Variants in MORN1 observed in about 807,000 individuals in gnomAD.
MORN1 encodes MORN repeat-containing protein 1.
Under a neutral mutation model 61.9 loss-of-function variants are expected in MORN1, and 67 were observed. That is an observed-to-expected ratio of 1.08 (90% CI 0.89 to 1.33). MORN1 has a LOEUF of 1.33. Ranked by LOEUF, MORN1 falls within the 40% of genes most tolerant of loss-of-function variation. The probability of loss-of-function intolerance (pLI) is 0.00; values close to 1 mark genes in which losing one functional copy is unlikely to be tolerated. For missense variants in MORN1, 752 were observed against 691.2 expected (o/e 1.09, Z -0.99); for synonymous variants, 301 against 292.0 (o/e 1.03, Z -0.31).
intron 10 of MORN1, among the ~76,000 whole-genome samples, chr1:2,356,071 C>T (rs937332842): frequency 2.6e-5 from 4 of 152,132 alleles, no homozygotes; most frequent in Non-Finnish European, 4.4e-5. Context: ...GCAGCCAGGT[C>T]GGGGGATTGT....
intron 12 of MORN1, among the ~76,000 whole-genome samples, chr1:2,330,462 C>T (rs907112793): frequency 3.3e-5 from 5 of 152,106 alleles, no homozygotes. Context: ...TTGTCCCCAC[C>T]GGTGGCCTTT....
At chr1:2,369,197 C>CA (rs1374251410) in intron 8 of MORN1, among the ~76,000 whole-genome samples, 1 of 150,028 alleles carries the variant, frequency 6.7e-6, no homozygotes, top group African/African-American at 2.5e-5. Context: ...TAAAAAAATA[C>CA]AAAAAAATTA....
chr1:2,390,068 G>A, intron 1 of MORN1, 72 bp from the exon 2 acceptor site: 1 of 1,422,042 alleles, frequency 7.0e-7, no homozygotes, highest in Non-Finnish European at 9.9e-7. Flanking sequence ...TGCTGAAGGA[G>A]GGAGTGCAGC....
Position 2,321,458 on chromosome 1 carries a change from C to G in MORN1, c.1419G>C (p.Leu473=), listed in dbSNP as rs773362203. ...AKRAGQPPHV[L]EEGPEASSSW... is the part of the protein sequence containing the mutation. ...TGCTTGAGGCTTCAGGGCCTTCTTCCAGGACATGGGGTGGCTGGCCAGCCC... is the reference window on the plus strand; with the variant it reads ...TGCTTGAGGCTTCAGGGCCTTCTTCGAGGACATGGGGTGGCTGGCCAGCCC... Residue 473 remains leucine (L), a synonymous_variant, in exon 14 of 14, where the codon CTG becomes CTC. Transcript: ENST00000378531. 6.5e-7 allele frequency: 1 copy of G among 1,540,252 alleles called. No individual in the cohort carries two copies. Among genetic ancestry groups the G allele is most frequent in the South Asian group, 1.2e-5 (1 of 83,232 alleles).
At chr1:2,331,802 C>T (rs1249460325) in intron 12 of MORN1, among the ~76,000 whole-genome samples, 6 of 152,178 alleles carry the variant, frequency 3.9e-5, no homozygotes, top group South Asian at 2.1e-4. Context: ...GCTCCTCTCC[C>T]GCGGCTGCGC....
chr1:2,385,210 G>T, intron 5 of MORN1, 145 bp from the exon 6 acceptor site: 1 of 793,854 alleles, frequency 1.3e-6, no homozygotes, highest in Non-Finnish European at 2.0e-6. Context: ...AAGAGCTCCT[G>T]CCTCGCCAGG....
In MORN1 at chr1:2,363,809, A is replaced by C. The variant is rs74802219; in HGVS notation, c.746-5094T>G. ...AAAAACAAACAAACAAACAAACAAA[A>C]AAATATATATATATATAAAAAAAAT... On this transcript the variant is annotated intron_variant, in intron 8 of 13. Coordinates refer to ENST00000378531, the MANE Select transcript of MORN1 (RefSeq NM_024848.3). Among the ~76,000 whole-genome samples, 29 of 59,776 alleles carry C rather than the reference A, an allele frequency of 4.9e-4. 1 individual carries two copies. The highest frequency in any genetic ancestry group is 2.3e-3 in the Admixed American group (13 of 5,592). 39.2% of individuals were successfully genotyped at this position (59,776 alleles called of 152,430 possible). A position where few individuals can be genotyped will look rare whatever the true frequency, so the allele number is the denominator to read the frequency against.
In MORN1 at chr1:2,336,320, G is replaced by C. The variant is rs1049503838; in HGVS notation, c.1250+149C>G. The stretch of plus-strand genomic sequence containing the variant: ...CCCGCGAGACCCTGGCTGGCGGGGG[G>C]GCTCTCTGGAGCGAGGCCCGTGTAG... On this transcript the variant is annotated intron_variant, in intron 12 of 13. Coordinates refer to ENST00000378531, the MANE Select transcript of MORN1 (RefSeq NM_024848.3). 12 of 711,980 alleles carry C rather than the reference G, an allele frequency of 1.7e-5. No individual in the cohort carries two copies. The Admixed American group carries it at 1.9e-4, about 11-fold the overall frequency. The allele number at this position is 711,980 out of a possible 1,614,324, so 44.1% of individuals were successfully genotyped here.
In MORN1 at chr1:2,358,671, C is replaced by T. The variant is rs768599321; in HGVS notation, c.790G>A (p.Val264Met). The T allele has an allele frequency of 1.1e-5, 18 of 1,613,738 alleles. No individual in the cohort carries two copies. Among genetic ancestry groups the T allele is most frequent in the East Asian group, 2.2e-5 (1 of 44,866 alleles). Residue 264 changes from valine (V) to methionine (M), a missense_variant, in exon 9 of 14, where the codon GTG (valine) becomes ATG (methionine). Coordinates refer to ENST00000378531, the MANE Select transcript of MORN1 (RefSeq NM_024848.3). ...VLQISAGVRY[V>M]QLSAYSEVNF... Reference sequence around the variant, plus strand: ...ACCTCAGAGTAGGCTGACAGCTGCACGTATCTGACGCCCGCTGAGATCTGC... The same window carrying T: ...ACCTCAGAGTAGGCTGACAGCTGCATGTATCTGACGCCCGCTGAGATCTGC...
At chr1:2,335,842 C>CCAGCCCAGCCCAGCG in intron 12 of MORN1, among the ~76,000 whole-genome samples, 1 of 150,856 alleles carries the variant, frequency 6.6e-6, no homozygotes, top group African/African-American at 2.5e-5. Flanking sequence ...CCAGCCCAGC[C>CCAGCCCAGCCCAGCG]CAGCGCGCAG....
intron 10 of MORN1, chr1:2,352,963 A>G (rs1279374087): frequency 6.6e-6 from 1 of 152,288 alleles, no homozygotes; most frequent in Non-Finnish European, 1.5e-5. Flanking sequence ...AGGAGTCTCA[A>G]GAGACACCCT....
intron 13 of MORN1, chr1:2,322,899 C>G (rs1025207518): frequency 2.0e-6 from 2 of 985,312 alleles, no homozygotes; most frequent in South Asian, 9.4e-5. Flanking sequence ...GGCCACCGTG[C>G]GGCAGGCCGG....
chr1:2,365,819 A>T (rs1641984901), intron 8 of MORN1, among the ~76,000 whole-genome samples: 2 of 151,834 alleles, frequency 1.3e-5, no homozygotes, highest in African/African-American at 4.8e-5. Context: ...TTAAAAAGTC[A>T]GGAAACAACA....
Position 2,357,744 on chromosome 1 carries a change from C to T in MORN1, c.870-146G>A, listed in dbSNP as rs189463379. 2.1e-4 allele frequency: 199 copies of T among 941,494 alleles called. No homozygotes were observed. In the African/African-American group the frequency reaches 2.7e-3, roughly 13 times the overall value. 58.3% of individuals were successfully genotyped at this position (941,494 alleles called of 1,614,324 possible). A position where few individuals can be genotyped will look rare whatever the true frequency, so the allele number is the denominator to read the frequency against. ...CTCAGCCTCTCTGGGAGGTCTCCTGCTGGGATGGGGCCAGTTGAGGCCCAG... is the reference window on the plus strand; with the variant it reads ...CTCAGCCTCTCTGGGAGGTCTCCTGTTGGGATGGGGCCAGTTGAGGCCCAG... On this transcript the variant is annotated intron_variant, in intron 9 of 13. Transcript: ENST00000378531. The surrounding 1 kb of genome is among the most constrained non-coding windows in gnomAD (Gnocchi z 6.3).
chr1:2,381,737 G>A (rs893998073), intron 6 of MORN1, among the ~76,000 whole-genome samples: 4 of 152,186 alleles, frequency 2.6e-5, no homozygotes, highest in African/African-American at 9.7e-5. Context: ...AGAAAGGCCT[G>A]GGGGGCCGCT....
intron 12 of MORN1, among the ~76,000 whole-genome samples, chr1:2,331,047 CAG>C: frequency 6.6e-6 from 1 of 152,358 alleles, no homozygotes; most frequent in Middle Eastern, 3.4e-3. Flanking sequence ...CGGCCCCTCC[CAG>C]GGCAGCAGGC....
At chr1:2,341,153 C>T (rs566067123) in intron 10 of MORN1, among the ~76,000 whole-genome samples, 95 of 152,346 alleles carry the variant, frequency 6.2e-4, no homozygotes, top group African/African-American at 2.2e-3. Context: ...CTGTGTCCCA[C>T]CTGTTGCCTG....
intron 6 of MORN1, among the ~76,000 whole-genome samples, chr1:2,379,833 C>A (rs1428662761): frequency 6.6e-6 from 1 of 152,178 alleles, no homozygotes; most frequent in African/African-American, 2.4e-5. Context: ...AACAGCATGG[C>A]GGTTCCTCAA....
chr1:2,387,563 G>T, intron 3 of MORN1, 34 bp from the exon 4 acceptor site: 1 of 1,509,508 alleles, frequency 6.6e-7, no homozygotes, highest in Non-Finnish European at 9.2e-7. Flanking sequence ...GAGACAGGAG[G>T]TTCAGTTCAG....
Sources: allele counts gnomAD v4.1 joint callset (sites outside exome capture counted in the v4.1 genomes callset), GRCh38; gene constraint gnomAD v4.1.1; non-coding constraint Gnocchi (gnomAD v3.1); transcripts MANE v1.5; gene names NCBI Gene and HGNC (gene_info 2026-07-23, HGNC 2026-07-21).